The following PXDNL variants were observed in gnomAD, a reference collection of about 807,000 sequenced individuals.
PXDNL encodes peroxidasin like, also known as probable oxidoreductase PXDNL.
In PXDNL, 145 loss-of-function variants were observed where a neutral mutation model predicts 150.8. The observed-to-expected ratio is 0.96, with a 90% CI of 0.84 to 1.10. The LOEUF (loss-of-function observed/expected upper bound fraction) is 1.10, where lower values mean the gene tolerates loss of function less well. PXDNL is among the 50% of genes least tolerant of loss of function. PXDNL has a pLI of 0.00. For synonymous variants in PXDNL, 757 were observed against 725.7 expected, an observed-to-expected ratio of 1.04 and a Z score of -0.69; for missense variants, 2,087 against 1,873.9, an observed-to-expected ratio of 1.11 and a Z score of -2.10.
intron 3 of PXDNL, among the ~76,000 whole-genome samples, chr8:51,561,669 T>G (rs2130559970): frequency 6.6e-6 from 1 of 151,826 alleles, no homozygotes; most frequent in South Asian, 2.1e-4. Flanking sequence ...GAAGATAGAG[T>G]AGTAAACTCG....
chr8:51,696,815 A>AGTTC (rs1314552902), intron 1 of PXDNL, among the ~76,000 whole-genome samples: 1 of 140,912 alleles, frequency 7.1e-6, no homozygotes, highest in Non-Finnish European at 1.5e-5. Context: ...TCACACACAC[A>AGTTC]CACACACACA....
chr8:51,424,484 A>T (rs1286644271), intron 13 of PXDNL, among the ~76,000 whole-genome samples: 1 of 151,984 alleles, frequency 6.6e-6, no homozygotes, highest in Non-Finnish European at 1.5e-5. Context: ...TCTACCTTGT[A>T]TGTACTCATA....
rs371664159 is a variant in PXDNL at position 51,778,193 on chromosome 8, G to A, written c.164+30988C>T. On this transcript the variant is annotated intron_variant, in intron 1 of 22. Coordinates refer to ENST00000356297, the MANE Select transcript of PXDNL (RefSeq NM_144651.5). The stretch of plus-strand genomic sequence containing the variant: ...AAAAATGAAGCTGAGGCAGGAGAAT[G>A]GTGTGAACCCAGGAGGTGGAGCTTG... Among the ~76,000 whole-genome samples the A allele has an allele frequency of 4.6e-5, 7 of 151,880 alleles. No individual in the cohort carries two copies. In the South Asian group the frequency reaches 1.0e-3, roughly 23 times the overall value.
intron 4 of PXDNL, among the ~76,000 whole-genome samples, chr8:51,529,852 T>C (rs919094376): frequency 2.0e-5 from 3 of 152,200 alleles, no homozygotes; most frequent in Admixed American, 1.3e-4. Flanking sequence ...CCAGGCACTA[T>C]GGATGTTTGT....
At chr8:51,425,383 G>A (rs1198482981) in intron 13 of PXDNL, among the ~76,000 whole-genome samples, 5 of 152,164 alleles carry the variant, frequency 3.3e-5, no homozygotes, top group South Asian at 2.1e-4. Context: ...CAAAGTAGAC[G>A]CTGAGATAGT....
Position 51,744,940 on chromosome 8 carries a change from GAAA to G in PXDNL, c.164+64238_164+64240del, listed in dbSNP as rs2036962738. Reference sequence around the variant, plus strand: ...AAGGAAAGAAAGAAAAAGAAAGAAAGAAAGAAAGAAAGAAAGAAAGAAAGAAAG... The same window carrying G: ...AAGGAAAGAAAGAAAAAGAAAGAAAGGAAAGAAAGAAAGAAAGAAAGAAAG... On this transcript the variant is annotated intron_variant, in intron 1 of 22. Coordinates refer to ENST00000356297, the MANE Select transcript of PXDNL (RefSeq NM_144651.5). Among the ~76,000 whole-genome samples the G allele has an allele frequency of 8.5e-4, 4 of 4,706 alleles. No homozygotes were observed. The Non-Finnish European group carries it at 0.027, about 32-fold the overall frequency. 3.1% of individuals were successfully genotyped at this position (4,706 alleles called of 152,430 possible). A position where few individuals can be genotyped will look rare whatever the true frequency, so the allele number is the denominator to read the frequency against.
chr8:51,592,485 T>C (rs1353471445), intron 3 of PXDNL, 142 bp downstream of exon 3: 1 of 582,060 alleles, frequency 1.7e-6, no homozygotes, highest in East Asian at 3.1e-5. Context: ...TTAAGACATG[T>C]TCATATGTGA....
intron 21 of PXDNL, among the ~76,000 whole-genome samples, chr8:51,331,741 C>T (rs143439411): frequency 0.043 from 6,473 of 152,072 alleles, 293 homozygotes; most frequent in African/African-American, 0.11. Flanking sequence ...ACCTGCATGA[C>T]TCAGCAGAGG....
intron 3 of PXDNL, among the ~76,000 whole-genome samples, chr8:51,577,593 C>CATATATATATAT (rs35173075): frequency 7.0e-6 from 1 of 142,202 alleles, no homozygotes; most frequent in Non-Finnish European, 1.5e-5. Flanking sequence ...TATCTATCTA[C>CATATATATATAT]ATATATATAT....
At chr8:51,723,965 G>C (rs969643352) in intron 1 of PXDNL, among the ~76,000 whole-genome samples, 2 of 151,836 alleles carry the variant, frequency 1.3e-5, no homozygotes, top group Admixed American at 1.3e-4. Flanking sequence ...GTGGAGAAGA[G>C]GAAATAAGAT....
intron 1 of PXDNL, among the ~76,000 whole-genome samples, chr8:51,749,761 C>T (rs1221184197): frequency 6.6e-6 from 1 of 152,212 alleles, no homozygotes; most frequent in East Asian, 1.9e-4. Flanking sequence ...AGTGCAGTGG[C>T]ATGATCTCGG....
chr8:51,530,242 T>TATACC (rs1013727379), intron 4 of PXDNL, among the ~76,000 whole-genome samples: 1 of 151,912 alleles, frequency 6.6e-6, no homozygotes. Flanking sequence ...TTAGGGAGAG[T>TATACC]ATACCTAGCG....
intron 6 of PXDNL, among the ~76,000 whole-genome samples, chr8:51,476,272 G>A (rs1563428717): frequency 2.0e-5 from 3 of 152,304 alleles, no homozygotes; most frequent in South Asian, 2.1e-4. Flanking sequence ...AATGTGACGT[G>A]TGATCCACGC....
intron 2 of PXDNL, among the ~76,000 whole-genome samples, chr8:51,605,863 C>T (rs568936114): frequency 1.3e-5 from 2 of 152,304 alleles, no homozygotes; most frequent in Admixed American, 1.3e-4. Context: ...TCCAGAGTGG[C>T]TTTGTTATAA....
chr8:51,797,445 C>T (rs1461165992), intron 1 of PXDNL, among the ~76,000 whole-genome samples: 1 of 152,182 alleles, frequency 6.6e-6, no homozygotes, highest in Non-Finnish European at 1.5e-5. Flanking sequence ...AGCCTGAAAG[C>T]TTATTAAGCT....
intron 1 of PXDNL, among the ~76,000 whole-genome samples, chr8:51,674,854 G>T (rs1453358601): frequency 6.6e-6 from 1 of 152,208 alleles, no homozygotes; most frequent in Admixed American, 6.5e-5. Context: ...CCAGTTTCAG[G>T]TCCAGATTTG....
At chr8:51,771,960 A>C (rs1364857469) in intron 1 of PXDNL, among the ~76,000 whole-genome samples, 1 of 151,946 alleles carries the variant, frequency 6.6e-6, no homozygotes, top group Non-Finnish European at 1.5e-5. Flanking sequence ...CAGAAAGCAA[A>C]AGTATCCAGC....
intron 21 of PXDNL, among the ~76,000 whole-genome samples, chr8:51,327,287 C>T (rs1391404220): frequency 6.6e-6 from 1 of 152,138 alleles, no homozygotes; most frequent in Non-Finnish European, 1.5e-5. Flanking sequence ...TAGACCAAGC[C>T]GCTGTATAAA....
chr8:51,789,395 T>A (rs1321465427), intron 1 of PXDNL, among the ~76,000 whole-genome samples: 1 of 152,032 alleles, frequency 6.6e-6, no homozygotes, highest in Non-Finnish European at 1.5e-5. Context: ...TGAACAAAGG[T>A]GAGACCGGGC....
Sources: allele counts gnomAD v4.1 joint callset (sites outside exome capture counted in the v4.1 genomes callset), GRCh38; gene constraint gnomAD v4.1.1; transcripts MANE v1.5; gene names NCBI Gene and HGNC (gene_info 2026-07-23, HGNC 2026-07-21).